DMAP1: variants seen among roughly 807,000 people sequenced by gnomAD.
DMAP1 encodes the protein DNA methyltransferase 1-associated protein 1.
DMAP1 carries 26 observed loss-of-function variants against 52.7 expected under a neutral mutation model. That is an observed-to-expected ratio of 0.49 (90% CI 0.36 to 0.68). The LOEUF is 0.68. Ranked by LOEUF, DMAP1 falls within the 30% of genes least tolerant of loss-of-function variation. DMAP1 has a pLI of 0.00. For synonymous variants in DMAP1, 231 were observed against 246.0 expected (o/e 0.94, Z 0.57); for missense variants, 439 against 625.2 (o/e 0.70, Z 3.18).
At chr1:44,215,044 G>A in intron 3 of DMAP1, 146 bp downstream of exon 3, 1 of 915,098 alleles carries the variant, frequency 1.1e-6, no homozygotes, top group South Asian at 1.4e-5. Context: ...GCAAATGCAT[G>A]CAGAGTAGGA....
At chr1:44,214,661 C>T in intron 2 of DMAP1, 42 bp from the exon 3 acceptor site, 1 of 1,612,580 alleles carries the variant, frequency 6.2e-7, no homozygotes, top group East Asian at 2.2e-5. Flanking sequence ...TTTAACACAC[C>T]TTCTGATTCT....
chr1:44,219,481 C>A lies in DMAP1; in HGVS notation c.978+4C>A. On this transcript the variant is annotated splice_donor_region_variant and intron_variant, in intron 7 of 9. Transcript: ENST00000372289. Reference sequence around the variant, plus strand: ...TGTCACGCTGCGGAGCCAACGGGTACGTGAGTCACCTCCTTTAGCAAGTTT... The same window carrying A: ...TGTCACGCTGCGGAGCCAACGGGTAAGTGAGTCACCTCCTTTAGCAAGTTT... 6.4e-7 allele frequency: 1 copy of A among 1,569,944 alleles called. No homozygotes were observed. The highest frequency in any genetic ancestry group is 8.6e-7 in the Non-Finnish European group (1 of 1,163,082).
rs769752569 is a variant in DMAP1, at chr1:44,219,165, C to T, written c.830C>T (p.Thr277Ile). The change falls in exon 6 of 10, where the codon ACC (threonine) becomes ATC (isoleucine). Residue 277 changes from threonine to isoleucine, a missense_variant. Thr to Ile is a moderately conservative substitution (Grantham distance 89). This residue lies in a region of DMAP1 where 179 missense variants were observed against 285.9 expected (regional missense o/e 0.63). Coordinates refer to ENST00000372289, the MANE Select transcript of DMAP1 (RefSeq NM_019100.5). Reference protein sequence around the residue: ...DLQKLITAADTTAEQRRTERK... With the variant: ...DLQKLITAADITAEQRRTERK... ...CAGAAGCTGATCACAGCGGCAGACA[C>T]CACTGCAGAGCAGCGGCGCACGGAA... The T allele has an allele frequency of 6.2e-7, 1 of 1,614,210 alleles. No homozygotes were observed. Among genetic ancestry groups the T allele is most frequent in the Non-Finnish European group, 8.5e-7 (1 of 1,180,032 alleles).
In DMAP1 at chr1:44,214,385, C is replaced by G; in HGVS notation, c.141C>G (p.Phe47Leu). The change falls in exon 2 of 10, where the codon TTC (phenylalanine) becomes TTG (leucine). Residue 47 changes from phenylalanine (F) to leucine (L), a missense_variant. Transcript: ENST00000372289. ...KSKKSSETLT[F>L]KRPEGMHREV... is the part of the protein sequence containing the mutation. ...AGAAGTCCTCTGAGACACTGACTTTCAAGAGGCCCGAGGGCATGCACCGGG... is the reference window on the plus strand; with the variant it reads ...AGAAGTCCTCTGAGACACTGACTTTGAAGAGGCCCGAGGGCATGCACCGGG... 6.2e-7 allele frequency: 1 copy of G among 1,614,138 alleles called. No individual in the cohort carries two copies. The highest frequency in any genetic ancestry group is 8.5e-7 in the Non-Finnish European group (1 of 1,180,008).
chr1:44,218,787 GC>G lies in DMAP1; in HGVS notation c.720+36del, dbSNP rs1204233983. 2 of 1,570,198 alleles carry G rather than the reference GC, an allele frequency of 1.3e-6. No individual in the cohort carries two copies. The highest frequency in any genetic ancestry group is 2.3e-5 in the South Asian group (2 of 85,304). ...CCAAGGCCACATACCTGTCCTCCAT[GC>G]CCCAAACCCCTTGCTCATTGTCTCC... On this transcript the variant is annotated intron_variant, in intron 5 of 9. Coordinates refer to ENST00000372289, the MANE Select transcript of DMAP1 (RefSeq NM_019100.5). This position sits in a 1 kb window ranked among gnomAD's most constrained non-coding sequence, Gnocchi z 5.6.
intron 2 of DMAP1, 82 bp downstream of exon 2, chr1:44,214,523 AT>A: frequency 3.7e-6 from 6 of 1,613,016 alleles, no homozygotes; most frequent in Non-Finnish European, 4.2e-6. Context: ...TTCTCTAACA[AT>A]TTTCTCCTCC....
chr1:44,219,186 C>A lies in DMAP1; in HGVS notation c.851C>A (p.Thr284Lys). 1 of 1,614,108 alleles carries A rather than the reference C, an allele frequency of 6.2e-7. No homozygotes were observed. Among genetic ancestry groups the A allele is most frequent in the Non-Finnish European group, 8.5e-7 (1 of 1,180,022 alleles). ...GACACCACTGCAGAGCAGCGGCGCA[C>A]GGAACGCAAGGCCCCCAAAAAGAAG... is the stretch of plus-strand genomic sequence containing the variant. ...AADTTAEQRR[T>K]ERKAPKKKLP... Residue 284 changes from threonine to lysine, a missense_variant, in exon 6 of 10, where the codon ACG (threonine) becomes AAG (lysine). By Grantham distance (78) the Thr-to-Lys change is moderately conservative (BLOSUM62 -1). Transcript: ENST00000372289.
At chr1:44,215,128 G>A (rs1643761764) in intron 3 of DMAP1, 4 of 665,176 alleles carry the variant, frequency 6.0e-6, no homozygotes, top group African/African-American at 1.8e-5. Context: ...GCTTTTCTTG[G>A]TCTTTCAAAT....
chr1:44,213,764 G>C lies in DMAP1; in HGVS notation c.11G>C (p.Gly4Ala). 1 of 1,582,182 alleles carries C rather than the reference G, an allele frequency of 6.3e-7. No homozygotes were observed. The highest frequency in any genetic ancestry group is 8.6e-7 in the Non-Finnish European group (1 of 1,164,662). The change falls in exon 1 of 10, where the codon GGC becomes GCC. Residue 4 changes from glycine (G) to alanine (A), a missense_variant. By Grantham distance (60) the Gly-to-Ala change is moderately conservative (BLOSUM62 0). This residue lies in a region of DMAP1 where 118 missense variants were observed against 189.8 expected (regional missense o/e 0.62). Coordinates refer to ENST00000372289, the MANE Select transcript of DMAP1 (RefSeq NM_019100.5). The surrounding 1 kb of genome is among the most constrained non-coding windows in gnomAD (Gnocchi z 4.5). ...CATCTCTCAGGCGCGATGGCTACGG[G>C]CGCGGATGTACGGGACATTCTAGAA... MAT[G>A]ADVRDILELG... is the part of the protein sequence containing the mutation.
In DMAP1 at chr1:44,214,410, G is replaced by A; in HGVS notation, c.166G>A (p.Glu56Lys). The change falls in exon 2 of 10, where the codon GAA becomes AAA. Residue 56 changes from glutamate to lysine, a missense_variant. By Grantham distance (56) the Glu-to-Lys change is moderately conservative (BLOSUM62 1). Around this residue, in one of 3 missense-constraint regions of DMAP1, gnomAD observed 118 missense variants for 189.8 expected, o/e 0.62. Coordinates refer to ENST00000372289, the MANE Select transcript of DMAP1 (RefSeq NM_019100.5). ...TFKRPEGMHR[E>K]VYALLYSDKK... ...CAAGAGGCCCGAGGGCATGCACCGG[G>A]AAGTCTATGCCTTGCTCTACTCTGA... The A allele has an allele frequency of 1.2e-6, 2 of 1,614,158 alleles. No homozygotes were observed. Among genetic ancestry groups the A allele is most frequent in the Non-Finnish European group, 8.5e-7 (1 of 1,180,016 alleles).
At chr1:44,217,357 A>G (rs1428518447) in intron 3 of DMAP1, 1 of 152,282 alleles carries the variant, frequency 6.6e-6, no homozygotes, top group African/African-American at 2.4e-5. Context: ...TAGCGAGGCT[A>G]TTTCTCTGAT....
chr1:44,213,675 C>A lies in DMAP1; in HGVS notation c.-79C>A. ...CGCCTCCGCTTAGGTCTGGATTGGCCCCGCCCCCTGACCTGAGCCTGGTCC... is the reference window on the plus strand; with the variant it reads ...CGCCTCCGCTTAGGTCTGGATTGGCACCGCCCCCTGACCTGAGCCTGGTCC... On this transcript the variant is annotated 5_prime_UTR_variant, in exon 1 of 10. Coordinates refer to ENST00000372289, the MANE Select transcript of DMAP1 (RefSeq NM_019100.5). This position sits in a 1 kb window ranked among gnomAD's most constrained non-coding sequence, Gnocchi z 4.5. 1 of 1,384,152 alleles carries A rather than the reference C, an allele frequency of 7.2e-7. No homozygotes were observed. The highest frequency in any genetic ancestry group is 1.0e-6 in the Non-Finnish European group (1 of 1,001,074). The allele number at this position is 1,384,152 out of a possible 1,614,324, so 85.7% of individuals were successfully genotyped here. A position where few individuals can be genotyped will look rare whatever the true frequency, so the allele number is the denominator to read the frequency against.
At position 44,214,252 on chromosome 1, in the gene DMAP1, A is replaced by T; in HGVS notation, c.106-98A>T. The T allele has an allele frequency of 2.7e-6, 3 of 1,131,128 alleles. No homozygotes were observed. The South Asian group carries it at 3.9e-5, about 15-fold the overall frequency. 70.1% of individuals were successfully genotyped at this position (1,131,128 alleles called of 1,614,324 possible). A position where few individuals can be genotyped will look rare whatever the true frequency, so the allele number is the denominator to read the frequency against. ...CAGTGTGTCAGTTTGCCTGTCATTG[A>T]CCCTGTAGGTGCTGCTTTGTTCAGG... On this transcript the variant is annotated intron_variant, in intron 1 of 9. Transcript: ENST00000372289.
chr1:44,219,958 C>T, intron 8 of DMAP1, 59 bp from the exon 9 acceptor site: 1 of 1,607,242 alleles, frequency 6.2e-7, no homozygotes, highest in South Asian at 1.1e-5. Context: ...GGGGAGTTCA[C>T]ATTGCTGGCC....
Position 44,218,864 on chromosome 1 carries a change from T to C in DMAP1, c.720+109T>C. 1 of 1,471,430 alleles carries C rather than the reference T, an allele frequency of 6.8e-7. No homozygotes were observed. The highest frequency in any genetic ancestry group is 9.2e-7 in the Non-Finnish European group (1 of 1,088,414). The allele number at this position is 1,471,430 out of a possible 1,614,324, so 91.1% of individuals were successfully genotyped here. A position where few individuals can be genotyped will look rare whatever the true frequency, so the allele number is the denominator to read the frequency against. ...CCCAGGTCCCCCTGCCTCCCACTGA[T>C]ACCTTATTAACTGCCCCAAGCCCAT... On this transcript the variant is annotated intron_variant, in intron 5 of 9. Coordinates refer to ENST00000372289, the MANE Select transcript of DMAP1 (RefSeq NM_019100.5). The surrounding 1 kb of genome is among the most constrained non-coding windows in gnomAD (Gnocchi z 5.6).
rs1274553757 is a variant in DMAP1, at chr1:44,213,700, C to T, written c.-54C>T. On this transcript the variant is annotated 5_prime_UTR_variant, in exon 1 of 10. Transcript: ENST00000372289. The surrounding 1 kb of genome is among the most constrained non-coding windows in gnomAD (Gnocchi z 4.5). ...CCCGCCCCCTGACCTGAGCCTGGTC[C>T]TTCTTCAGGCACTGACCCTTGACCT... 6 of 1,519,260 alleles carry T rather than the reference C, an allele frequency of 3.9e-6. No homozygotes were observed. The allele number at this position is 1,519,260 out of a possible 1,614,324, so 94.1% of individuals were successfully genotyped here.
chr1:44,213,991 G>A lies in DMAP1; in HGVS notation c.105+133G>A. 3 of 820,966 alleles carry A rather than the reference G, an allele frequency of 3.7e-6. No individual in the cohort carries two copies. Among genetic ancestry groups the A allele is most frequent in the Non-Finnish European group, 5.9e-6 (3 of 507,062 alleles). The allele number at this position is 820,966 out of a possible 1,614,324, so 50.9% of individuals were successfully genotyped here. The stretch of plus-strand genomic sequence containing the variant: ...ATAAAAGGGGTGACATAACAGGACA[G>A]GGAATATGTGTCATCCTTGATGGGA... On this transcript the variant is annotated intron_variant, in intron 1 of 9. Coordinates refer to ENST00000372289, the MANE Select transcript of DMAP1 (RefSeq NM_019100.5). The surrounding 1 kb of genome is among the most constrained non-coding windows in gnomAD (Gnocchi z 4.5).
chr1:44,218,815 T>C lies in DMAP1; in HGVS notation c.720+60T>C. The C allele has an allele frequency of 6.5e-7, 1 of 1,546,704 alleles. No homozygotes were observed. The highest frequency in any genetic ancestry group is 1.2e-5 in the South Asian group (1 of 80,682). ...CCAAACCCCTTGCTCATTGTCTCCA[T>C]CCTCCATCCCCTCAACTCCCACTCC... On this transcript the variant is annotated intron_variant, in intron 5 of 9. Transcript: ENST00000372289. This position sits in a 1 kb window ranked among gnomAD's most constrained non-coding sequence, Gnocchi z 5.6.
Position 44,218,803 on chromosome 1 carries a change from T to C in DMAP1, c.720+48T>C, listed in dbSNP as rs1271764459. ...GTCCTCCATGCCCCAAACCCCTTGC[T>C]CATTGTCTCCATCCTCCATCCCCTC... On this transcript the variant is annotated intron_variant, in intron 5 of 9. Coordinates refer to ENST00000372289, the MANE Select transcript of DMAP1 (RefSeq NM_019100.5). The surrounding 1 kb of genome is among the most constrained non-coding windows in gnomAD (Gnocchi z 5.6). 1.3e-6 allele frequency: 2 copies of C among 1,554,744 alleles called. No homozygotes were observed. The highest frequency in any genetic ancestry group is 1.7e-6 in the Non-Finnish European group (2 of 1,147,042).
Sources: gnomAD v4.1 joint callset for allele counts on GRCh38, gnomAD v4.1.1 for gene constraint, gnomAD v4.1.1 regional missense constraint, Gnocchi (gnomAD v3.1) non-coding constraint, MANE v1.5 for transcripts, NCBI Gene and HGNC (gene_info 2026-07-23, HGNC 2026-07-21) for gene names.